The following KALRN variants were observed in gnomAD, a reference collection of about 807,000 sequenced individuals.
The protein encoded by KALRN is kalirin.
KALRN carries 70 observed loss-of-function variants against 353.7 expected under a neutral mutation model. The ratio of observed to expected loss-of-function variants is 0.20; its 90% confidence interval spans 0.16 to 0.24. KALRN has a LOEUF of 0.24. KALRN is among the 10% of genes least tolerant of loss of function. The pLI, the probability that KALRN is intolerant of heterozygous loss-of-function variation, is 1.00. For synonymous variants in KALRN, 1,391 were observed against 1,434.8 expected, an observed-to-expected ratio of 0.97 and a Z score of 0.69; for missense variants, 2,791 against 3,756.7, an observed-to-expected ratio of 0.74 and a Z score of 6.72.
At chr3:124,337,099 G>A (rs990273157) in intron 9 of KALRN, among the ~76,000 whole-genome samples, 1 of 152,150 alleles carries the variant, frequency 6.6e-6, no homozygotes, top group African/African-American at 2.4e-5. Context: ...CATGTCATCT[G>A]CAAACAAAGA....
chr3:124,604,344 A>AGGG, intron 34 of KALRN, among the ~76,000 whole-genome samples: 2 of 152,008 alleles, frequency 1.3e-5, no homozygotes, highest in African/African-American at 4.8e-5. Flanking sequence ...CAGAGTGAGG[A>AGGG]TGTGGAAGTT....
At chr3:124,368,746 C>T (rs931425561) in intron 10 of KALRN, among the ~76,000 whole-genome samples, 3 of 150,572 alleles carry the variant, frequency 2.0e-5, no homozygotes, top group Admixed American at 6.6e-5. Context: ...GCCGAGATCA[C>T]GCCACTGCAC....
In KALRN at chr3:124,200,043, G is replaced by A. The variant is rs574355845; in HGVS notation, c.74-27947G>A. On this transcript the variant is annotated intron_variant, in intron 1 of 59. Coordinates refer to ENST00000682506, the MANE Select transcript of KALRN (RefSeq NM_001388419.1). ...CTGCATATGTCTAAATTTTGAAATG[G>A]GAAACTAGCATCATAAACAGGAAGG... 2.6e-5 allele frequency among the ~76,000 whole-genome samples: 4 copies of A among 152,312 alleles called. No individual in the cohort carries two copies. In the East Asian group the frequency reaches 7.7e-4, roughly 29 times the overall value.
At chr3:124,095,710 T>C (rs1270266143) in intron 1 of KALRN, 1 of 152,240 alleles carries the variant, frequency 6.6e-6, no homozygotes, top group Non-Finnish European at 1.5e-5. Flanking sequence ...CAAATCCAGA[T>C]GTTCTTTTGT....
At chr3:124,517,249 T>C (rs2066712389) in intron 33 of KALRN, among the ~76,000 whole-genome samples, 1 of 152,246 alleles carries the variant, frequency 6.6e-6, no homozygotes, top group African/African-American at 2.4e-5. Context: ...ATCTCCTCTC[T>C]GAATCCTAAG....
chr3:124,519,129 G>T, intron 33 of KALRN: 1 of 985,348 alleles, frequency 1.0e-6, no homozygotes, highest in Non-Finnish European at 1.2e-6. Flanking sequence ...ACTCCCTCCC[G>T]AGGTCTCTGG....
chr3:124,554,093 C>T (rs527912940), intron 33 of KALRN, among the ~76,000 whole-genome samples: 14 of 152,352 alleles, frequency 9.2e-5, no homozygotes, highest in African/African-American at 2.9e-4. Context: ...CCGTGGCTTA[C>T]GCCTGTAACT....
intron 1 of KALRN, among the ~76,000 whole-genome samples, chr3:124,181,331 A>C (rs1253086828): frequency 6.6e-6 from 1 of 152,144 alleles, no homozygotes; most frequent in African/African-American, 2.4e-5. Flanking sequence ...AGTTACAATG[A>C]AAAAAACATA....
intron 10 of KALRN, among the ~76,000 whole-genome samples, chr3:124,358,180 A>C (rs2083627680): frequency 6.6e-6 from 1 of 152,128 alleles, no homozygotes; most frequent in Non-Finnish European, 1.5e-5. Context: ...TATTTTCTTT[A>C]ATTAAAGAAA....
intron 25 of KALRN, among the ~76,000 whole-genome samples, chr3:124,471,262 A>T (rs1424500395): frequency 9.4e-5 from 10 of 106,268 alleles, no homozygotes; most frequent in Non-Finnish European, 2.0e-4. Flanking sequence ...AAGTTTTATT[A>T]TTATTATTAT....
intron 25 of KALRN, among the ~76,000 whole-genome samples, chr3:124,472,179 T>C (rs2060984754): frequency 6.6e-6 from 1 of 152,170 alleles, no homozygotes; most frequent in Non-Finnish European, 1.5e-5. Flanking sequence ...GCCAGCACTG[T>C]CTTTCTATCA....
intron 52 of KALRN, 129 bp from the exon 53 acceptor site, chr3:124,694,203 G>A (rs2061951926): frequency 1.1e-6 from 1 of 875,022 alleles, no homozygotes; most frequent in Admixed American, 2.2e-5. Context: ...ACTCACCAGT[G>A]TTATACTGAA....
chr3:124,314,500 T>TA (rs1035867093), intron 6 of KALRN, among the ~76,000 whole-genome samples: 7 of 150,888 alleles, frequency 4.6e-5, no homozygotes, highest in Non-Finnish European at 7.4e-5. Flanking sequence ...AAAGTATATT[T>TA]AAAAAAAAAG....
rs1367031535 is a variant in KALRN, at chr3:124,515,029, A to C, written c.4935+18616A>C. Among the ~76,000 whole-genome samples, 4 of 152,226 alleles carry C rather than the reference A, an allele frequency of 2.6e-5. No homozygotes were observed. The East Asian group carries it at 7.7e-4, about 29-fold the overall frequency. The stretch of plus-strand genomic sequence containing the variant: ...GGTTTTCTAATCCATCAGACAAAAA[A>C]CATTGGAAACATGCAGTCGACTGAA... On this transcript the variant is annotated intron_variant, in intron 33 of 59. Transcript: ENST00000682506.
intron 1 of KALRN, among the ~76,000 whole-genome samples, chr3:124,047,561 C>G (rs1271660318): frequency 6.9e-6 from 1 of 145,684 alleles, no homozygotes; most frequent in Non-Finnish European, 1.5e-5. Context: ...GGCGCGATCT[C>G]TGTTCACTGC....
chr3:124,286,444 G>C (rs991380434), intron 5 of KALRN, among the ~76,000 whole-genome samples: 2 of 152,046 alleles, frequency 1.3e-5, no homozygotes, highest in African/African-American at 2.4e-5. Context: ...GTAGAGACAG[G>C]GTTTTGCTGT....
chr3:124,149,462 C>T (rs531308503), intron 1 of KALRN, among the ~76,000 whole-genome samples: 2 of 152,344 alleles, frequency 1.3e-5, no homozygotes, highest in East Asian at 3.9e-4. Context: ...AGCTTGCCTG[C>T]TGCCCAGTGT....
chr3:124,496,684 G>A (rs961894217), intron 33 of KALRN, among the ~76,000 whole-genome samples: 2 of 152,176 alleles, frequency 1.3e-5, no homozygotes, highest in Non-Finnish European at 2.9e-5. Flanking sequence ...CAGTGAGGGA[G>A]TCTAGGTTTC....
At chr3:124,357,411 T>A (rs1299408999) in intron 10 of KALRN, among the ~76,000 whole-genome samples, 1 of 152,230 alleles carries the variant, frequency 6.6e-6, no homozygotes, top group Admixed American at 6.5e-5. Context: ...CCCATCAGGA[T>A]AAAGTTCAAA....
Sources: gnomAD v4.1 joint callset for allele counts (sites outside exome capture counted in the v4.1 genomes callset) on GRCh38, gnomAD v4.1.1 for gene constraint, MANE v1.5 for transcripts, NCBI Gene and HGNC (gene_info 2026-07-23, HGNC 2026-07-21) for gene names.